SI: variants seen among roughly 807,000 people sequenced by gnomAD.
The protein encoded by SI is sucrase-isomaltase, also known as sucrase-isomaltase, intestinal.
SI carries 235 observed loss-of-function variants against 253.3 expected under a neutral mutation model. The ratio of observed to expected loss-of-function variants is 0.93; its 90% CI spans 0.83 to 1.03. SI has a LOEUF of 1.03. Ranked by LOEUF, SI falls within the 50% of genes least tolerant of loss-of-function variation. The pLI is 0.00. For missense variants in SI, 2,442 were observed against 2,211.1 expected, an observed-to-expected ratio of 1.10 and a Z score of -2.09; for synonymous variants, 819 against 712.0, an observed-to-expected ratio of 1.15 and a Z score of -2.39.
At chr3:165,041,617 C>T (rs1183236270) in intron 17 of SI, among the ~76,000 whole-genome samples, 1 of 152,056 alleles carries the variant, frequency 6.6e-6, no homozygotes, top group East Asian at 1.9e-4. Context: ...AGGTTGCTGG[C>T]TCAGGAACAC....
intron 26 of SI, 137 bp from the exon 27 acceptor site, chr3:165,021,520 G>A (rs1443050977): frequency 2.8e-6 from 2 of 725,120 alleles, no homozygotes; most frequent in East Asian, 5.1e-5. Context: ...TACATTCATG[G>A]TCCATATAAC....
intron 31 of SI, among the ~76,000 whole-genome samples, chr3:165,016,892 A>G (rs1719058278): frequency 6.6e-6 from 1 of 151,888 alleles, no homozygotes; most frequent in Non-Finnish European, 1.5e-5. Context: ...GGAACTCTAT[A>G]TTGGACCCTA....
chr3:165,017,854 A>G lies in SI; in HGVS notation c.3540T>C (p.Thr1180=), dbSNP rs759754319. 2.9e-5 allele frequency: 46 copies of G among 1,612,850 alleles called. 1 individual carries two copies. The African/African-American group carries it at 3.9e-4, about 14-fold the overall frequency. ...CAACTGTACGGTAAGTTAGAGCAGG[A>G]GTTGGCTGGAATGTAACATCTGGAA... The part of the protein sequence containing the change: ...SNAMDVTFQP[T]PALTYRTVGG... The change falls in exon 30 of 48, where the codon ACT becomes ACC. Residue 1180 remains threonine (T), a synonymous_variant. Coordinates refer to ENST00000264382, the MANE Select transcript of SI (RefSeq NM_001041.4).
the SI span, among the ~76,000 whole-genome samples, chr3:165,090,212 T>C: frequency 6.6e-6 from 1 of 151,068 alleles, no homozygotes; most frequent in Non-Finnish European, 1.5e-5. Context: ...CAGGTGAGCA[T>C]ACAATCTGAA....
chr3:165,043,038 T>C, intron 17 of SI, 21 bp downstream of exon 17: 3 of 1,372,258 alleles, frequency 2.2e-6, no homozygotes, highest in Middle Eastern at 1.8e-4. Context: ...TTTCGCAACA[T>C]GGAGAACAAG....
Position 165,017,640 on chromosome 3 carries a change from C to T in SI, c.3667G>A (p.Ala1223Thr). 6.2e-7 allele frequency: 1 copy of T among 1,612,636 alleles called. No homozygotes were observed. The highest frequency in any genetic ancestry group is 8.5e-7 in the Non-Finnish European group (1 of 1,179,048). ...IGHPVMPAYW[A>T]LGFQLCRYGY... ...TAACGACATAATTGGAATCCCAAAG[C>T]CCAATAAGCTGGCATGACTGGATGG... Residue 1223 changes from alanine to threonine, a missense_variant, in exon 31 of 48, where the codon GCT (alanine) becomes ACT (threonine). Ala to Thr is a moderately conservative substitution (Grantham distance 58, BLOSUM62 0). Transcript: ENST00000264382.
At chr3:165,043,700 A>G (rs903211331) in intron 16 of SI, among the ~76,000 whole-genome samples, 4 of 151,988 alleles carry the variant, frequency 2.6e-5, no homozygotes, top group African/African-American at 9.7e-5. Context: ...AGAAAATACT[A>G]TCTTGAATTT....
intron 37 of SI, among the ~76,000 whole-genome samples, chr3:165,000,320 A>T (rs1718199931): frequency 6.6e-6 from 1 of 151,134 alleles, no homozygotes; most frequent in Admixed American, 6.6e-5. Context: ...TAAGGATTCT[A>T]CATAAAGTAG....
chr3:165,036,748 G>T (rs143499680), intron 21 of SI, among the ~76,000 whole-genome samples: 1 of 151,540 alleles, frequency 6.6e-6, no homozygotes, highest in East Asian at 1.9e-4. Context: ...TGAGATACTT[G>T]CAAAATTGAA....
chr3:165,016,912 C>T (rs1350994610), intron 31 of SI, among the ~76,000 whole-genome samples: 1 of 151,802 alleles, frequency 6.6e-6, no homozygotes, highest in East Asian at 1.9e-4. Flanking sequence ...ACTATAAATA[C>T]CAATGTCTTA....
In SI at chr3:164,979,212, C is replaced by A. The variant is rs1454111510; in HGVS notation, c.*150G>T. Reference sequence around the variant, plus strand: ...ATTACTATAATAAAATTAGCATTATCATTGATGTACGCTACAAAATAACTT... The same window carrying A: ...ATTACTATAATAAAATTAGCATTATAATTGATGTACGCTACAAAATAACTT... On this transcript the variant is annotated 3_prime_UTR_variant, in exon 48 of 48. Coordinates refer to ENST00000264382, the MANE Select transcript of SI (RefSeq NM_001041.4). 1 of 638,748 alleles carries A rather than the reference C, an allele frequency of 1.6e-6. No homozygotes were observed. The highest frequency in any genetic ancestry group is 2.4e-5 in the Admixed American group (1 of 42,044). 39.6% of individuals were successfully genotyped at this position (638,748 alleles called of 1,614,324 possible). A position where few individuals can be genotyped will look rare whatever the true frequency, so the allele number is the denominator to read the frequency against.
chr3:165,074,145 C>T, intron 3 of SI, among the ~76,000 whole-genome samples: 1 of 152,008 alleles, frequency 6.6e-6, no homozygotes, highest in East Asian at 1.9e-4. Context: ...TTTTGTTTTC[C>T]ACAGATACTT....
intron 35 of SI, 49 bp from the exon 36 acceptor site, chr3:165,008,047 A>T (rs941533464): frequency 3.0e-6 from 3 of 987,560 alleles, no homozygotes; most frequent in Non-Finnish European, 4.8e-6. Context: ...AATTTACAAC[A>T]TATATTCTCA....
intron 34 of SI, among the ~76,000 whole-genome samples, chr3:165,012,362 T>A (rs928547089): frequency 2.0e-5 from 3 of 152,182 alleles, no homozygotes; most frequent in Non-Finnish European, 2.9e-5. Context: ...ATTATATGAA[T>A]AAACATTTAT....
intron 25 of SI, among the ~76,000 whole-genome samples, chr3:165,027,000 A>G (rs1559995791): frequency 2.6e-5 from 4 of 151,402 alleles, no homozygotes; most frequent in African/African-American, 9.7e-5. Flanking sequence ...AATTGAAACA[A>G]AAAAATACAA....
At position 164,981,263 on chromosome 3, in the gene SI, CA is replaced by C. The variant is rs555178927; in HGVS notation, c.5415+979del. Among the ~76,000 whole-genome samples the C allele has an allele frequency of 8.6e-5, 13 of 151,922 alleles. No individual in the cohort carries two copies. The East Asian group carries it at 2.3e-3, about 27-fold the overall frequency. ...AAAAGCAGTAAGAAAAACATAGTTCCATATTAAAGGAAAACCCCACTTGTCA... is the reference window on the plus strand; with the variant it reads ...AAAAGCAGTAAGAAAAACATAGTTCCTATTAAAGGAAAACCCCACTTGTCA... On this transcript the variant is annotated intron_variant, in intron 47 of 47. Coordinates refer to ENST00000264382, the MANE Select transcript of SI (RefSeq NM_001041.4).
At chr3:165,068,186 C>T (rs762881555) in intron 5 of SI, among the ~76,000 whole-genome samples, 29 of 152,158 alleles carry the variant, frequency 1.9e-4, no homozygotes, top group South Asian at 1.2e-3. Flanking sequence ...TCTGCATAGC[C>T]TGTAGTTTAA....
At chr3:165,081,367 A>G (rs544325522), upstream of SI, among the ~76,000 whole-genome samples, 29 of 152,078 alleles carry the variant, frequency 1.9e-4, no homozygotes, top group South Asian at 2.1e-3. Flanking sequence ...CTGGTGATTG[A>G]CACCTAGTGT....
intron 22 of SI, among the ~76,000 whole-genome samples, chr3:165,035,677 G>C (rs933839382): frequency 6.6e-6 from 1 of 151,330 alleles, no homozygotes; most frequent in Non-Finnish European, 1.5e-5. Flanking sequence ...AATTAAAATA[G>C]AAGATAAATT....
Sources: gnomAD v4.1 joint callset for allele counts (sites outside exome capture counted in the v4.1 genomes callset) on GRCh38, gnomAD v4.1.1 for gene constraint, MANE v1.5 for transcripts, NCBI Gene and HGNC (gene_info 2026-07-23, HGNC 2026-07-21) for gene names.